WNT3A: variants seen among roughly 807,000 people sequenced by gnomAD.
WNT3A encodes the protein Wnt family member 3A.
Under a neutral mutation model 37.0 loss-of-function variants are expected in WNT3A, and 17 were observed. That is an observed-to-expected ratio of 0.46 (90% CI 0.31 to 0.69). The LOEUF (loss-of-function observed/expected upper bound fraction) is 0.69, where lower values mean the gene tolerates loss of function less well. Among genes scored for constraint, WNT3A ranks in the 30% least tolerant of loss-of-function variants. WNT3A has a pLI of 0.05. For missense variants in WNT3A, 411 were observed against 510.2 expected (o/e 0.81, Z 1.87); for synonymous variants, 187 against 211.0 (o/e 0.89, Z 0.99).
rs1392112871 is a variant in WNT3A at position 228,059,250 on chromosome 1, G to A, written c.844G>A (p.Glu282Lys). ...VYYEASPNFC[E>K]PNPETGSFGT... ...CTACGAGGCCTCGCCCAACTTCTGC[G>A]AGCCCAACCCTGAGACGGGCTCCTT... Residue 282 changes from glutamate (E) to lysine (K), a missense_variant, in exon 4 of 4, where the codon GAG (glutamate) becomes AAG (lysine). By Grantham distance (56) the Glu-to-Lys change is moderately conservative (BLOSUM62 1). Coordinates refer to ENST00000284523, the MANE Select transcript of WNT3A (RefSeq NM_033131.4). 3 of 1,608,404 alleles carry A rather than the reference G, an allele frequency of 1.9e-6. No homozygotes were observed. The highest frequency in any genetic ancestry group is 4.5e-5 in the East Asian group (2 of 44,786).
At position 228,060,609 on chromosome 1, in the gene WNT3A, G is replaced by A. The variant is rs2031784863; in HGVS notation, c.*1144G>A. ...GTCAGGTACTCCTGCCAGGGAACTG[G>A]CCTGCTGCGCCCCAGGCCCCGCCCG... On this transcript the variant is annotated 3_prime_UTR_variant, in exon 4 of 4. Transcript: ENST00000284523. The A allele has an allele frequency of 8.7e-6, 2 of 230,528 alleles. No individual in the cohort carries two copies. The highest frequency in any genetic ancestry group is 2.3e-5 in the African/African-American group (1 of 43,886). 14.3% of individuals were successfully genotyped at this position (230,528 alleles called of 1,614,324 possible).
chr1:228,038,132 G>A lies in WNT3A; in HGVS notation c.314-12524G>A, dbSNP rs2031187663. On this transcript the variant is annotated intron_variant, in intron 2 of 3. Transcript: ENST00000284523. The surrounding 1 kb of genome is among the most constrained non-coding windows in gnomAD (Gnocchi z 5.7). The stretch of plus-strand genomic sequence containing the variant: ...CGCGGTGGGGCGCGGGCCGCATTCC[G>A]CTCTCAGGTGGCTCCGGGGCCTTTT... 6.6e-6 allele frequency among the ~76,000 whole-genome samples: 1 copy of A among 151,838 alleles called. No individual in the cohort carries two copies. The highest frequency in any genetic ancestry group is 2.1e-4 in the South Asian group (1 of 4,822).
chr1:228,058,803 G>T (rs1468194319), intron 3 of WNT3A, among the ~76,000 whole-genome samples, 183 bp from the exon 4 acceptor site: 1 of 152,244 alleles, frequency 6.6e-6, no homozygotes, highest in Non-Finnish European at 1.5e-5. Context: ...GGTCTGGCAA[G>T]GGAGCAGGCA....
At chr1:228,048,354 C>G (rs567566649) in intron 2 of WNT3A, among the ~76,000 whole-genome samples, 72 of 152,352 alleles carry the variant, frequency 4.7e-4, no homozygotes, top group Middle Eastern at 3.4e-3. Flanking sequence ...CAGGGCACAC[C>G]TAGCCCCCAG....
At position 228,007,227 on chromosome 1, in the gene WNT3A, T is replaced by C; in HGVS notation, c.71+28T>C. 1.3e-6 allele frequency: 2 copies of C among 1,587,592 alleles called. No homozygotes were observed. On this transcript the variant is annotated intron_variant, in intron 1 of 3. Transcript: ENST00000284523. This position sits in a 1 kb window ranked among gnomAD's most constrained non-coding sequence, Gnocchi z 6.0. ...GAGTGAGCCTCCTCGCGTTCGCCCC[T>C]GCCCCTGTGCGCCGCGCCCGCAGCA... is the stretch of plus-strand genomic sequence containing the variant.
At chr1:228,051,722 A>G (rs1372718763) in intron 3 of WNT3A, among the ~76,000 whole-genome samples, 2 of 152,178 alleles carry the variant, frequency 1.3e-5, no homozygotes, top group Admixed American at 1.3e-4. Flanking sequence ...TTATGAAGAA[A>G]AGAGGTTTAA....
intron 2 of WNT3A, among the ~76,000 whole-genome samples, chr1:228,025,922 T>C (rs537650099): frequency 7.1e-6 from 1 of 140,516 alleles, no homozygotes; most frequent in Admixed American, 7.0e-5. Context: ...TAATTTTTTG[T>C]ATTTTTTTTT....
intron 1 of WNT3A, among the ~76,000 whole-genome samples, chr1:228,021,935 G>A (rs1256876891): frequency 6.6e-6 from 1 of 152,240 alleles, no homozygotes; most frequent in Admixed American, 6.5e-5. Flanking sequence ...GTTGTGCTGA[G>A]CAGGAATGCG....
rs2031173214 is a variant in WNT3A, at chr1:228,037,534, G to C, written c.314-13122G>C. On this transcript the variant is annotated intron_variant, in intron 2 of 3. Coordinates refer to ENST00000284523, the MANE Select transcript of WNT3A (RefSeq NM_033131.4). The surrounding 1 kb of genome is among the most constrained non-coding windows in gnomAD (Gnocchi z 4.1). ...CCCTGTGTGTCCCCTGCCTATGAGG[G>C]CCGGCACAGGGGTGGGGCCTGCCTG... Among the ~76,000 whole-genome samples the C allele has an allele frequency of 6.6e-6, 1 of 151,872 alleles. No homozygotes were observed. Among genetic ancestry groups the C allele is most frequent in the Non-Finnish European group, 1.5e-5 (1 of 67,928 alleles).
At chr1:228,028,277 T>A (rs947820813) in intron 2 of WNT3A, among the ~76,000 whole-genome samples, 3 of 148,574 alleles carry the variant, frequency 2.0e-5, no homozygotes, top group Non-Finnish European at 4.4e-5. Flanking sequence ...TTGGGATCTT[T>A]TTTGGTTACA....
chr1:228,051,442 C>T (rs550327653), intron 3 of WNT3A, among the ~76,000 whole-genome samples: 1 of 152,280 alleles, frequency 6.6e-6, no homozygotes, highest in South Asian at 2.1e-4. Flanking sequence ...CCGTGTAAAG[C>T]TTCGTGAGCC....
chr1:228,044,707 G>T (rs982546708), intron 2 of WNT3A, among the ~76,000 whole-genome samples: 1 of 152,254 alleles, frequency 6.6e-6, no homozygotes, highest in Non-Finnish European at 1.5e-5. Context: ...CTTCTCCTGT[G>T]CACAGTTAAG....
chr1:228,059,285 C>A lies in WNT3A; in HGVS notation c.879C>A (p.Arg293=), dbSNP rs1260029691. 6.3e-7 allele frequency: 1 copy of A among 1,592,038 alleles called. No homozygotes were observed. Among genetic ancestry groups the A allele is most frequent in the East Asian group, 2.3e-5 (1 of 43,726 alleles). ...CTGAGACGGGCTCCTTCGGCACGCG[C>A]GACCGCACCTGCAACGTCAGCTCGC... The part of the protein sequence containing the change: ...PNPETGSFGT[R]DRTCNVSSHG... The change falls in exon 4 of 4, where the codon CGC becomes CGA. Residue 293 remains arginine, a synonymous_variant. Transcript: ENST00000284523.
At chr1:228,026,655 C>T (rs1018859369) in intron 2 of WNT3A, among the ~76,000 whole-genome samples, 4 of 152,142 alleles carry the variant, frequency 2.6e-5, no homozygotes, top group African/African-American at 7.2e-5. Flanking sequence ...TGATATCACT[C>T]TGTATGCCTT....
intron 1 of WNT3A, among the ~76,000 whole-genome samples, chr1:228,013,680 G>A (rs992538367): frequency 2.0e-5 from 3 of 152,182 alleles, no homozygotes; most frequent in South Asian, 2.1e-4. Flanking sequence ...TTGAGCTGCC[G>A]AGAGTGGTCT....
chr1:228,050,929 C>A lies in WNT3A; in HGVS notation c.579+8C>A. 2.0e-6 allele frequency: 3 copies of A among 1,526,548 alleles called. No individual in the cohort carries two copies. The highest frequency in any genetic ancestry group is 1.8e-6 in the Non-Finnish European group (2 of 1,136,846). 94.6% of individuals were successfully genotyped at this position (1,526,548 alleles called of 1,614,324 possible). On this transcript the variant is annotated splice_region_variant and intron_variant, in intron 3 of 3. Coordinates refer to ENST00000284523, the MANE Select transcript of WNT3A (RefSeq NM_033131.4). The surrounding 1 kb of genome is among the most constrained non-coding windows in gnomAD (Gnocchi z 5.0). ...AACGAGGCTGGGCGCCAGGTAGGTTCGCCGCCCGCAAGGGTGCTTGGGAAA... is the reference window on the plus strand; with the variant it reads ...AACGAGGCTGGGCGCCAGGTAGGTTAGCCGCCCGCAAGGGTGCTTGGGAAA...
chr1:228,046,774 A>G (rs994997004), intron 2 of WNT3A, among the ~76,000 whole-genome samples: 1 of 141,026 alleles, frequency 7.1e-6, no homozygotes, highest in Non-Finnish European at 1.5e-5. Context: ...TGGGGTGTGC[A>G]TGTGTGTGCA....
intron 1 of WNT3A, among the ~76,000 whole-genome samples, chr1:228,019,825 T>C (rs1215392879): frequency 6.6e-6 from 1 of 152,196 alleles, no homozygotes; most frequent in Non-Finnish European, 1.5e-5. Flanking sequence ...GTTTTGCAAG[T>C]AACATCCCAC....
At chr1:228,032,041 G>A (rs1264716288) in intron 2 of WNT3A, among the ~76,000 whole-genome samples, 1 of 152,174 alleles carries the variant, frequency 6.6e-6, no homozygotes, top group African/African-American at 2.4e-5. Context: ...CTAAAGCCCT[G>A]CTACCCTCGG....
Sources: gnomAD v4.1 joint callset for allele counts (sites outside exome capture counted in the v4.1 genomes callset) on GRCh38, gnomAD v4.1.1 for gene constraint, Gnocchi (gnomAD v3.1) non-coding constraint, MANE v1.5 for transcripts, NCBI Gene and HGNC (gene_info 2026-07-23, HGNC 2026-07-21) for gene names.